The following CEP152 variants were observed in gnomAD, a reference collection of about 807,000 sequenced individuals.
CEP152 encodes the protein centrosomal protein of 152 kDa.
CEP152 carries 132 observed loss-of-function variants against 188.9 expected under a neutral mutation model. The observed-to-expected ratio is 0.70, with a 90% CI of 0.61 to 0.81. The LOEUF (loss-of-function observed/expected upper bound fraction) is 0.81. Ranked by LOEUF, CEP152 falls within the 30% of genes least tolerant of loss-of-function variation. The probability of loss-of-function intolerance (pLI) is 0.00; values close to 1 mark genes in which losing one functional copy is unlikely to be tolerated. For missense variants in CEP152, 1,914 were observed against 1,969.8 expected, an observed-to-expected ratio of 0.97 and a Z score of 0.54; for synonymous variants, 649 against 666.6, an observed-to-expected ratio of 0.97 and a Z score of 0.41.
chr15:48,781,384 A>G (rs771884079), intron 11 of CEP152, 25 bp from the exon 12 acceptor site: 113 of 1,562,168 alleles, frequency 7.2e-5, no homozygotes, highest in Non-Finnish European at 8.4e-5. Context: ...TATTAAAAAT[A>G]ATTTTCACTA....
At chr15:48,798,195 C>A in intron 2 of CEP152, 144 bp from the exon 3 acceptor site, 4 of 669,320 alleles carry the variant, frequency 6.0e-6, no homozygotes, top group Non-Finnish European at 8.2e-6. Context: ...AAGTTCCACA[C>A]AAATTATATT....
rs1338003271 is a variant in CEP152, at chr15:48,797,974, G to C, written c.165C>G (p.Asp55Glu). ...GTCCGTCTGTGCCATCCTCGCTGCA[G>C]TCCGAATACTGGAGCTCTGGAGAGG... is the stretch of plus-strand genomic sequence containing the variant. The part of the protein sequence containing the change: ...DLSSPELQYS[D>E]CSEDGTDGQP... Residue 55 changes from aspartate to glutamate, a missense_variant, in exon 3 of 27, where the codon GAC becomes GAG. Physicochemically the swap from Asp to Glu is conservative, Grantham distance 45. Transcript: ENST00000380950. The C allele has an allele frequency of 6.2e-7, 1 of 1,614,032 alleles. No individual in the cohort carries two copies. The highest frequency in any genetic ancestry group is 1.7e-5 in the Admixed American group (1 of 59,994).
chr15:48,755,585 GT>G (rs1289055903), intron 20 of CEP152, among the ~76,000 whole-genome samples: 2 of 152,120 alleles, frequency 1.3e-5, no homozygotes, highest in African/African-American at 4.8e-5. Flanking sequence ...TGCCATGGTG[GT>G]TTGCTGCACC....
chr15:48,806,976 CT>C (rs548347603), intron 1 of CEP152, among the ~76,000 whole-genome samples: 4 of 152,160 alleles, frequency 2.6e-5, no homozygotes, highest in African/African-American at 9.6e-5. Flanking sequence ...AAAAATCCCC[CT>C]ATGACAAGTT....
chr15:48,750,039 A>C (rs1893761053), intron 21 of CEP152, among the ~76,000 whole-genome samples: 1 of 152,106 alleles, frequency 6.6e-6, no homozygotes, highest in South Asian at 2.1e-4. Flanking sequence ...GTTCATAAAA[A>C]AATGAAATAT....
chr15:48,807,713 G>C (rs2140940491), intron 1 of CEP152, among the ~76,000 whole-genome samples: 1 of 152,148 alleles, frequency 6.6e-6, no homozygotes, highest in East Asian at 1.9e-4. Flanking sequence ...ATGGAATTTG[G>C]GTTACTTTCT....
chr15:48,779,732 T>C (rs1896129694), intron 12 of CEP152, among the ~76,000 whole-genome samples: 4 of 152,248 alleles, frequency 2.6e-5, no homozygotes. Context: ...CTCTTCCCAG[T>C]AGCCCCTTAG....
chr15:48,795,510 T>C (rs962475335), intron 6 of CEP152, among the ~76,000 whole-genome samples: 2 of 152,208 alleles, frequency 1.3e-5, no homozygotes, highest in African/African-American at 4.8e-5. Context: ...AAAAAGTCTT[T>C]TAAAATTTTT....
At chr15:48,734,588 A>T (rs888360250), downstream of CEP152, among the ~76,000 whole-genome samples, 3 of 117,638 alleles carry the variant, frequency 2.6e-5, no homozygotes, top group African/African-American at 3.5e-5. Flanking sequence ...CTTCTCTGAT[A>T]AAAAAAAAAA....
At chr15:48,752,163 T>C (rs955887267) in intron 21 of CEP152, among the ~76,000 whole-genome samples, 186 bp downstream of exon 21, 1 of 152,152 alleles carries the variant, frequency 6.6e-6, no homozygotes, top group Non-Finnish European at 1.5e-5. Flanking sequence ...AAACCATAAA[T>C]AGAAGAAGAG....
Position 48,805,640 on chromosome 15 carries a change from C to A in CEP152, c.10G>T (p.Asp4Tyr). Residue 4 changes from aspartate (D) to tyrosine (Y), a missense_variant, in exon 2 of 27, where the codon GAC becomes TAC. By Grantham distance (160) the Asp-to-Tyr change is radical (BLOSUM62 -3). Coordinates refer to ENST00000380950, the MANE Select transcript of CEP152 (RefSeq NM_001194998.2). The stretch of plus-strand genomic sequence containing the variant: ...ACTGGTAGTGCCACACTGCCAAAGT[C>A]TAATGACATGGTCCTCCTGTGGGAA... MSL[D>Y]FGSVALPVQN... is the part of the protein sequence containing the mutation. 5 of 1,608,570 alleles carry A rather than the reference C, an allele frequency of 3.1e-6. No homozygotes were observed. The highest frequency in any genetic ancestry group is 4.2e-6 in the Non-Finnish European group (5 of 1,177,404).
At chr15:48,789,910 T>G (rs1408975395) in intron 8 of CEP152, among the ~76,000 whole-genome samples, 1 of 152,204 alleles carries the variant, frequency 6.6e-6, no homozygotes, top group Non-Finnish European at 1.5e-5. Flanking sequence ...AAATTTGTAT[T>G]GTTTTAAACC....
intron 12 of CEP152, among the ~76,000 whole-genome samples, chr15:48,773,741 G>A (rs1205019508): frequency 1.3e-5 from 2 of 152,228 alleles, no homozygotes; most frequent in Non-Finnish European, 2.9e-5. Flanking sequence ...TTCTAAACCT[G>A]ATGTAGTAAA....
intron 13 of CEP152, among the ~76,000 whole-genome samples, chr15:48,771,942 T>C (rs1281709749): frequency 6.6e-6 from 1 of 152,230 alleles, no homozygotes; most frequent in East Asian, 1.9e-4. Context: ...ACTTGAAATA[T>C]GGTTTCTACT....
chr15:48,751,613 C>T (rs1322288551), intron 21 of CEP152, among the ~76,000 whole-genome samples: 2 of 152,136 alleles, frequency 1.3e-5, no homozygotes, highest in Non-Finnish European at 2.9e-5. Context: ...TTCCAGGTTA[C>T]ATTAGAAACA....
chr15:48,734,212 CAT>C (rs59095753), downstream of CEP152, among the ~76,000 whole-genome samples: 4,353 of 147,650 alleles, frequency 0.029, 198 homozygotes, highest in African/African-American at 0.1. Context: ...TATACATATA[CAT>C]ATATATATAT....
intron 1 of CEP152, among the ~76,000 whole-genome samples, chr15:48,807,580 G>T (rs1286908085): frequency 7.0e-6 from 1 of 142,544 alleles, no homozygotes; most frequent in Non-Finnish European, 1.5e-5. Flanking sequence ...AAAAAAAAAA[G>T]AGATGAAATT....
intron 2 of CEP152, among the ~76,000 whole-genome samples, chr15:48,802,795 T>C (rs1021783681): frequency 4.6e-5 from 7 of 152,168 alleles, no homozygotes; most frequent in Non-Finnish European, 7.4e-5. Context: ...ATGGAGAGAA[T>C]AGAAATGGAA....
At chr15:48,747,722 T>C (rs1893552124) in intron 22 of CEP152, among the ~76,000 whole-genome samples, 1 of 152,280 alleles carries the variant, frequency 6.6e-6, no homozygotes, top group East Asian at 1.9e-4. Context: ...ATTTCAAATG[T>C]AGAGTATAGC....
Sources: gnomAD v4.1 joint callset for allele counts (sites outside exome capture counted in the v4.1 genomes callset) on GRCh38, gnomAD v4.1.1 for gene constraint, MANE v1.5 for transcripts, NCBI Gene and HGNC (gene_info 2026-07-23, HGNC 2026-07-21) for gene names.